The following CFAP47 variants were observed in gnomAD, a reference collection of about 807,000 sequenced individuals.
The protein encoded by CFAP47 is cilia- and flagella-associated protein 47.
In CFAP47, 29 loss-of-function variants were observed where a neutral mutation model predicts 148.1. The observed-to-expected ratio is 0.20, with a 90% CI of 0.15 to 0.27. CFAP47 has a LOEUF of 0.27. Ranked by LOEUF, CFAP47 falls within the 10% of genes least tolerant of loss-of-function variation. The probability of loss-of-function intolerance (pLI) is 1.00; values close to 1 mark genes in which losing one functional copy is unlikely to be tolerated. For missense variants in CFAP47, 1,872 were observed against 1,697.5 expected (o/e 1.10, Z -1.81); for synonymous variants, 664 against 577.3 (o/e 1.15, Z -2.15).
In CFAP47 at chrX:36,251,493, A is replaced by T. The variant is rs781974791; in HGVS notation, c.7444+49A>T. ...TTAGTCATTTTCCTACTACGCTAAG[A>T]TGGAAATATGATGAGACAAATAGAA... On this transcript the variant is annotated intron_variant, in intron 49 of 63. Transcript: ENST00000378653. 1.2e-4 allele frequency: 54 copies of T among 444,137 alleles called. No homozygotes were observed. The East Asian group carries it at 2.0e-3, about 17-fold the overall frequency. 36.6% of individuals were successfully genotyped at this position (444,137 alleles called of 1,213,427 possible).
chrX:36,072,273 G>A (rs1937769479), intron 28 of CFAP47, among the ~76,000 whole-genome samples: 1 of 111,999 alleles, frequency 8.9e-6, no homozygotes, highest in South Asian at 3.7e-4. Context: ...TGTAAGAGTA[G>A]TACTTATGTG....
At chrX:35,948,484 A>G in intron 4 of CFAP47, 32 bp downstream of exon 4, 1 of 1,099,351 alleles carries the variant, frequency 9.1e-7, no homozygotes, top group Non-Finnish European at 1.2e-6. Context: ...AAAAATTATA[A>G]TACAGATCTC....
At chrX:36,063,884 C>A (rs1937614700) in intron 26 of CFAP47, among the ~76,000 whole-genome samples, 1 of 112,006 alleles carries the variant, frequency 8.9e-6, no homozygotes, top group Non-Finnish European at 1.9e-5. Context: ...TTCTCCAGAA[C>A]TGAAATGACA....
rs888831572 is a variant in CFAP47, at chrX:36,046,963, A to C, written c.4117A>C (p.Ser1373Arg). The C allele has an allele frequency of 8.6e-7, 1 of 1,163,269 alleles. No individual in the cohort carries two copies. The highest frequency in any genetic ancestry group is 1.1e-6 in the Non-Finnish European group (1 of 869,761). The change falls in exon 26 of 64, where the codon AGT (serine) becomes CGT (arginine). Residue 1373 changes from serine to arginine, a missense_variant. Coordinates refer to ENST00000378653, the MANE Select transcript of CFAP47 (RefSeq NM_001304548.2). ...AGGCAGAGTCATCCCAGGCTCTCACAGTGGAATTAATAATAAGCTCACTTG... is the reference window on the plus strand; with the variant it reads ...AGGCAGAGTCATCCCAGGCTCTCACCGTGGAATTAATAATAAGCTCACTTG... ...PKGRVIPGSH[S>R]GINNKLTCHL...
At chrX:35,940,811 T>C (rs1184191712) in intron 2 of CFAP47, among the ~76,000 whole-genome samples, 1 of 111,602 alleles carries the variant, frequency 9.0e-6, no homozygotes, top group Non-Finnish European at 1.9e-5. Flanking sequence ...CCTTATATGG[T>C]TTGTATATAA....
At chrX:36,310,562 G>A (rs181087194) in intron 55 of CFAP47, among the ~76,000 whole-genome samples, 78 of 108,536 alleles carry the variant, frequency 7.2e-4, no homozygotes, top group African/African-American at 2.3e-3. Flanking sequence ...TCTCTTTTAT[G>A]TTGCTATAAT....
intron 44 of CFAP47, among the ~76,000 whole-genome samples, chrX:36,202,877 C>CAA (rs1207535043): frequency 1.8e-5 from 1 of 54,781 alleles, no homozygotes; most frequent in Non-Finnish European, 3.5e-5. Context: ...AACTCCGTCT[C>CAA]AAAAAAAAAA....
intron 2 of CFAP47, among the ~76,000 whole-genome samples, chrX:35,928,214 C>G (rs1054277516): frequency 1.8e-5 from 2 of 110,344 alleles, no homozygotes; most frequent in Admixed American, 2.0e-4. Context: ...TTTTGTTTAA[C>G]AGAAAATCCC....
At chrX:35,985,605 A>G (rs892726242) in intron 15 of CFAP47, among the ~76,000 whole-genome samples, 11 of 111,109 alleles carry the variant, frequency 9.9e-5, no homozygotes, top group African/African-American at 3.6e-4. Flanking sequence ...GGCCCCCAGG[A>G]AGCACCCTGG....
rs191887936 is a variant in CFAP47, at chrX:35,925,327, A to T, written c.250-690A>T. ...GGGGCGGAGCTTGCAGTGAGCAGAG[A>T]TCACGCCACTGCACTCCAGCCTGAG... On this transcript the variant is annotated intron_variant, in intron 1 of 63. Transcript: ENST00000378653. Among the ~76,000 whole-genome samples the T allele has an allele frequency of 2.4e-3, 266 of 110,822 alleles. 1 individual carries two copies. Among genetic ancestry groups the T allele is most frequent in the African/African-American group, 8.3e-3 (253 of 30,456 alleles).
At chrX:35,991,337 A>G (rs940001704) in intron 16 of CFAP47, among the ~76,000 whole-genome samples, 7 of 110,880 alleles carry the variant, frequency 6.3e-5, no homozygotes, top group Admixed American at 2.9e-4. Context: ...AATTAATCAT[A>G]TATCTGGTTA....
At chrX:36,290,653 ACAT>A (rs1941184068) in intron 51 of CFAP47, among the ~76,000 whole-genome samples, 2 of 112,303 alleles carry the variant, frequency 1.8e-5, no homozygotes. Context: ...TCTTGTCCTG[ACAT>A]CAGCAATATA....
At chrX:36,155,609 T>C (rs963896292) in intron 37 of CFAP47, among the ~76,000 whole-genome samples, 3 of 111,493 alleles carry the variant, frequency 2.7e-5, no homozygotes, top group African/African-American at 9.8e-5. Flanking sequence ...GCCATTGTGG[T>C]TTAGAACTCC....
At chrX:36,332,917 A>G (rs188330758) in intron 57 of CFAP47, among the ~76,000 whole-genome samples, 1 of 112,248 alleles carries the variant, frequency 8.9e-6, no homozygotes, top group Non-Finnish European at 1.9e-5. Context: ...AGCAAAGTAT[A>G]TACATAGGTT....
intron 57 of CFAP47, among the ~76,000 whole-genome samples, chrX:36,345,857 T>A (rs1479587932): frequency 1.8e-5 from 2 of 111,699 alleles, no homozygotes; most frequent in African/African-American, 6.5e-5. Flanking sequence ...CCTTAGAATG[T>A]TTTAATTTCC....
chrX:36,176,548 G>A (rs1467769873), intron 39 of CFAP47, among the ~76,000 whole-genome samples: 1 of 112,262 alleles, frequency 8.9e-6, no homozygotes, highest in Non-Finnish European at 1.9e-5. Context: ...AACATCTCCA[G>A]AAGATTTGTT....
chrX:36,185,057 TA>T (rs1424769929), intron 40 of CFAP47, among the ~76,000 whole-genome samples: 32 of 111,648 alleles, frequency 2.9e-4, no homozygotes, highest in Admixed American at 1.8e-3. Context: ...TAGGGTGCTA[TA>T]AAAAAATACT....
At chrX:36,281,600 G>C (rs1941079732) in intron 50 of CFAP47, among the ~76,000 whole-genome samples, 1 of 112,109 alleles carries the variant, frequency 8.9e-6, no homozygotes, top group African/African-American at 3.2e-5. Flanking sequence ...ACTCATTGGA[G>C]GAGGCCTACT....
chrX:36,173,276 G>C (rs1383132232), intron 39 of CFAP47, among the ~76,000 whole-genome samples: 46 of 111,449 alleles, frequency 4.1e-4, no homozygotes, highest in African/African-American at 1.5e-3. Context: ...ATTTTTTGAA[G>C]GGTTTCTTTT....
Sources: gnomAD v4.1 joint callset for allele counts (sites outside exome capture counted in the v4.1 genomes callset) on GRCh38, gnomAD v4.1.1 for gene constraint, MANE v1.5 for transcripts, NCBI Gene and HGNC (gene_info 2026-07-23, HGNC 2026-07-21) for gene names.